The following TMEM176A variants were observed in gnomAD, a reference collection of about 807,000 sequenced individuals.
The protein encoded by TMEM176A is hepatocellular carcinoma-associated antigen 112.
Under a neutral mutation model 27.9 loss-of-function variants are expected in TMEM176A, and 20 were observed. That is an observed-to-expected ratio of 0.72 (90% CI 0.50 to 1.04). The LOEUF (loss-of-function observed/expected upper bound fraction) is 1.04, where lower values mean the gene tolerates loss of function less well. Among genes scored for constraint, TMEM176A ranks in the 50% least tolerant of loss-of-function variants. The pLI, the probability that TMEM176A is intolerant of heterozygous loss-of-function variation, is 0.00. For synonymous variants in TMEM176A, 125 were observed against 118.0 expected (o/e 1.06, Z -0.38); for missense variants, 252 against 289.1 (o/e 0.87, Z 0.93).
rs1798884407 is a variant in TMEM176A, at chr7:150,804,583, C to T, written c.666+111C>T. On this transcript the variant is annotated intron_variant, in intron 6 of 6. Transcript: ENST00000004103. ...GGAGAAAGGGGCCCATGACCCAAGT[C>T]CCACCTATTATCATGCCTGTCTTTC... 3.0e-6 allele frequency: 3 copies of T among 1,009,148 alleles called. No homozygotes were observed. In the Admixed American group the frequency reaches 5.9e-5, roughly 20 times the overall value. 62.5% of individuals were successfully genotyped at this position (1,009,148 alleles called of 1,614,324 possible).
In TMEM176A at chr7:150,802,266, T is replaced by C; in HGVS notation, c.226T>C (p.Tyr76His). 1 of 1,613,582 alleles carries C rather than the reference T, an allele frequency of 6.2e-7. No individual in the cohort carries two copies. Among genetic ancestry groups the C allele is most frequent in the Non-Finnish European group, 8.5e-7 (1 of 1,179,902 alleles). Reference protein sequence around the residue: ...ILSAVLGGFFYIRDYTLLVTS... With the variant: ...ILSAVLGGFFHIRDYTLLVTS... Reference sequence around the variant, plus strand: ...GAGTGCAGTCCTAGGAGGATTTTTCTACATCCGCGACTACACCCTCCTCGT... The same window carrying C: ...GAGTGCAGTCCTAGGAGGATTTTTCCACATCCGCGACTACACCCTCCTCGT... The change falls in exon 3 of 7, where the codon TAC becomes CAC. Residue 76 changes from tyrosine (Y) to histidine (H), a missense_variant. Tyr to His is a moderately conservative substitution (Grantham distance 83). Transcript: ENST00000004103.
At chr7:150,802,389 C>T in intron 3 of TMEM176A, 64 bp downstream of exon 3, 2 of 1,409,348 alleles carry the variant, frequency 1.4e-6, no homozygotes, top group South Asian at 1.2e-5. Context: ...CTCCTGATTG[C>T]CTTCCTCCAA....
At position 150,803,381 on chromosome 7, in the gene TMEM176A, T is replaced by C. The variant is rs935350332; in HGVS notation, c.286-19T>C. The C allele has an allele frequency of 1.3e-6, 2 of 1,555,176 alleles. No homozygotes were observed. The highest frequency in any genetic ancestry group is 2.2e-5 in the East Asian group (1 of 44,636). The stretch of plus-strand genomic sequence containing the variant: ...GCATTTCCTGTACTAAGCCTGCTCC[T>C]GGCTCAATCTCTCCCCAGGCTGTGC... On this transcript the variant is annotated intron_variant, in intron 3 of 6. Transcript: ENST00000004103.
chr7:150,803,867 G>A, intron 5 of TMEM176A, 35 bp downstream of exon 5: 1 of 1,604,050 alleles, frequency 6.2e-7, no homozygotes, highest in Non-Finnish European at 8.5e-7. Flanking sequence ...GCAGCAGGTG[G>A]GGCAGGGATG....
Position 150,803,835 on chromosome 7 carries a change from A to G in TMEM176A, c.555+3A>G. ...CCTCCTTCATGGACATGCTGAAGGTAGGTGGCCAAGGGGAAGGGGCAGCAG... is the reference window on the plus strand; with the variant it reads ...CCTCCTTCATGGACATGCTGAAGGTGGGTGGCCAAGGGGAAGGGGCAGCAG... On this transcript the variant is annotated splice_donor_region_variant and intron_variant, in intron 5 of 6. Transcript: ENST00000004103. 6.2e-7 allele frequency: 1 copy of G among 1,613,460 alleles called. No homozygotes were observed. The highest frequency in any genetic ancestry group is 8.5e-7 in the Non-Finnish European group (1 of 1,179,766).
chr7:150,801,706 G>A lies in TMEM176A; in HGVS notation c.156G>A (p.Arg52=). 6 of 1,549,488 alleles carry A rather than the reference G, an allele frequency of 3.9e-6. No homozygotes were observed. The highest frequency in any genetic ancestry group is 5.2e-6 in the Non-Finnish European group (6 of 1,157,534). ...CCACCCAGGCCAGGGGCAGCAGCCGGCTGCTGGTGGCCTCGTGGGTGAGTG... is the reference window on the plus strand; with the variant it reads ...CCACCCAGGCCAGGGGCAGCAGCCGACTGCTGGTGGCCTCGTGGGTGAGTG... ...PRATQARGSS[R]LLVASWVMQI... is the part of the protein sequence containing the mutation. The change falls in exon 2 of 7, where the codon CGG becomes CGA. Residue 52 remains arginine (R), a synonymous_variant. Coordinates refer to ENST00000004103, the MANE Select transcript of TMEM176A (RefSeq NM_018487.3).
rs543824799 is a variant in TMEM176A at position 150,802,670 on chromosome 7, C to G, written c.285+345C>G. 1,826 of 1,045,568 alleles carry G rather than the reference C, an allele frequency of 1.7e-3. 2 individuals carry two copies. Among genetic ancestry groups the G allele is most frequent in the Non-Finnish European group, 1.9e-3 (1,596 of 855,390 alleles). 64.8% of individuals were successfully genotyped at this position (1,045,568 alleles called of 1,614,324 possible). A position where few individuals can be genotyped will look rare whatever the true frequency, so the allele number is the denominator to read the frequency against. ...AGAGCGTTCCAGATAGTATGTGGTC[C>G]CCCAGGAAGCATCACCCCCTGGTTA... On this transcript the variant is annotated intron_variant, in intron 3 of 6. Transcript: ENST00000004103.
intron 1 of TMEM176A, chr7:150,801,085 C>A: frequency 2.7e-6 from 2 of 748,048 alleles, no homozygotes; most frequent in African/African-American, 1.9e-5. Flanking sequence ...TCGGCGGTGG[C>A]GGGGATGGGG....
chr7:150,802,126 C>T (rs963990852), intron 2 of TMEM176A, 89 bp from the exon 3 acceptor site: 8 of 910,292 alleles, frequency 8.8e-6, no homozygotes, highest in East Asian at 2.4e-5. Context: ...CTCTCTCTAC[C>T]TCTCCCTCTC....
At chr7:150,801,074 G>A in intron 1 of TMEM176A, 15 of 858,082 alleles carry the variant, frequency 1.7e-5, no homozygotes, top group Non-Finnish European at 2.1e-5. Flanking sequence ...GGAGCGGGAG[G>A]TCGGCGGTGG....
Position 150,801,207 on chromosome 7 carries a change from G to A in TMEM176A, c.-15-329G>A, listed in dbSNP as rs145628171. On this transcript the variant is annotated intron_variant, in intron 1 of 6. Transcript: ENST00000004103. ...CTGTGGAGGGGAGGCCGCAGGAAGAGCCCGGGAGGAGGGGGTGAGGGGTCG... is the reference window on the plus strand; with the variant it reads ...CTGTGGAGGGGAGGCCGCAGGAAGAACCCGGGAGGAGGGGGTGAGGGGTCG... 294 of 211,218 alleles carry A rather than the reference G, an allele frequency of 1.4e-3. 1 individual carries two copies. The highest frequency in any genetic ancestry group is 3.8e-3 in the Admixed American group (65 of 16,974). The allele number at this position is 211,218 out of a possible 1,614,324, so 13.1% of individuals were successfully genotyped here. A position where few individuals can be genotyped will look rare whatever the true frequency, so the allele number is the denominator to read the frequency against.
chr7:150,803,531 G>C, intron 4 of TMEM176A, 75 bp downstream of exon 4: 1 of 1,578,916 alleles, frequency 6.3e-7, no homozygotes, highest in South Asian at 1.2e-5. Flanking sequence ...CCTGTTGCAG[G>C]CTTCTCTGGG....
At chr7:150,804,706 T>TGCC in intron 6 of TMEM176A, 121 bp from the exon 7 acceptor site, 1 of 1,095,492 alleles carries the variant, frequency 9.1e-7, no homozygotes, top group Middle Eastern at 2.0e-4. Context: ...ATCCATGCTA[T>TGCC]GCCTTTGGAT....
intron 1 of TMEM176A, 32 bp downstream of exon 1, chr7:150,800,860 G>C (rs991518101): frequency 1.0e-6 from 1 of 966,602 alleles, no homozygotes; most frequent in African/African-American, 1.8e-5. Flanking sequence ...GGCGGCCCCC[G>C]GGCCTCCTTC....
At position 150,804,473 on chromosome 7, in the gene TMEM176A, G is replaced by A. The variant is rs778912681; in HGVS notation, c.666+1G>A. On this transcript the variant is annotated splice_donor_variant, in intron 6 of 6. Coordinates refer to ENST00000004103, the MANE Select transcript of TMEM176A (RefSeq NM_018487.3). LOFTEE classifies it high-confidence loss of function. ...CTGGAGAATGTTCCCAACCAAAGGG[G>A]TGAGTCCCTAAGGTGTGTGCCTGTG... 1.2e-6 allele frequency: 2 copies of A among 1,611,444 alleles called. No homozygotes were observed. Among genetic ancestry groups the A allele is most frequent in the South Asian group, 1.1e-5 (1 of 91,032 alleles).
intron 6 of TMEM176A, 177 bp downstream of exon 6, chr7:150,804,649 C>A: frequency 3.5e-6 from 3 of 856,632 alleles, no homozygotes; most frequent in East Asian, 2.5e-5. Flanking sequence ...CTATCCCCAA[C>A]CAAGTGGCCC....
At chr7:150,801,415 A>T (rs555506707) in intron 1 of TMEM176A, 121 bp from the exon 2 acceptor site, 4 of 982,854 alleles carry the variant, frequency 4.1e-6, no homozygotes, top group Non-Finnish European at 6.0e-6. Flanking sequence ...CGGCCCTGTG[A>T]CCAGGACAGC....
chr7:150,803,620 GCC>G lies in TMEM176A; in HGVS notation c.345_346del (p.Leu116AlafsTer22). 19 of 1,613,844 alleles carry G rather than the reference GCC, an allele frequency of 1.2e-5. No homozygotes were observed. Among genetic ancestry groups the G allele is most frequent in the Middle Eastern group, 1.7e-4 (1 of 6,002 alleles). ...TTCTCTCTGCCTCCTCCCTCCCCAG[GCC>G]CTGCTGAGGACTCTGCTAACGCTGG... ...IYEKRGGTYW[A>X]LLRTLLTLAA... On this transcript the variant is annotated frameshift_variant and splice_region_variant, in exon 5 of 7. Transcript: ENST00000004103. LOFTEE classifies it high-confidence loss of function.
chr7:150,804,389 C>T lies in TMEM176A; in HGVS notation c.583C>T (p.Leu195Phe), dbSNP rs1366134815. 3.7e-6 allele frequency: 6 copies of T among 1,614,186 alleles called. No homozygotes were observed. Among genetic ancestry groups the T allele is most frequent in the Non-Finnish European group, 5.1e-6 (6 of 1,180,018 alleles). ...CTTGTTCAGAACCCTTCAGGCCATG[C>T]TCTTGGGTGTCTGGATTCTGCTGCT... is the stretch of plus-strand genomic sequence containing the variant. ...KALFRTLQAM[L>F]LGVWILLLLA... Residue 195 changes from leucine (L) to phenylalanine (F), a missense_variant, in exon 6 of 7, where the codon CTC becomes TTC. Transcript: ENST00000004103.
Sources: gnomAD v4.1 joint callset for allele counts on GRCh38, gnomAD v4.1.1 for gene constraint, MANE v1.5 for transcripts, NCBI Gene and HGNC (gene_info 2026-07-23, HGNC 2026-07-21) for gene names.